GLDC: variants seen among roughly 807,000 people sequenced by gnomAD.
GLDC encodes glycine decarboxylase, also known as glycine dehydrogenase (decarboxylating), mitochondrial.
In GLDC, 104 loss-of-function variants were observed where a neutral mutation model predicts 121.3. The observed-to-expected ratio is 0.86, with a 90% CI of 0.73 to 1.01. The LOEUF (loss-of-function observed/expected upper bound fraction) is 1.01. Ranked by LOEUF, GLDC falls within the 50% of genes least tolerant of loss-of-function variation. The probability of loss-of-function intolerance (pLI) is 0.00; values close to 1 mark genes in which losing one functional copy is unlikely to be tolerated. For missense variants in GLDC, 1,429 were observed against 1,306.6 expected (o/e 1.09, Z -1.44); for synonymous variants, 546 against 480.6 (o/e 1.14, Z -1.78).
chr9:6,604,934 A>C, intron 6 of GLDC, 150 bp from the exon 7 acceptor site: 1 of 862,998 alleles, frequency 1.2e-6, no homozygotes, highest in African/African-American at 1.7e-5. Flanking sequence ...CAGTAAATAC[A>C]TACTGAGTGC....
intron 7 of GLDC, 58 bp from the exon 8 acceptor site, chr9:6,602,263 A>G (rs1190494719): frequency 4.0e-6 from 4 of 1,011,052 alleles, no homozygotes; most frequent in African/African-American, 1.6e-5. Flanking sequence ...GGGAGATGCT[A>G]TAAATAGAAT....
At chr9:6,602,882 C>T (rs1462706474) in intron 7 of GLDC, among the ~76,000 whole-genome samples, 3 of 151,960 alleles carry the variant, frequency 2.0e-5, no homozygotes, top group Non-Finnish European at 2.9e-5. Flanking sequence ...CCACCAATCA[C>T]GGACTGAAAA....
intron 2 of GLDC, chr9:6,639,732 A>G (rs1819591478): frequency 5.6e-6 from 1 of 179,088 alleles, no homozygotes; most frequent in Non-Finnish European, 1.1e-5. Flanking sequence ...ATACAAATAG[A>G]CAATTACCAG....
At chr9:6,552,555 T>C (rs1817537529) in intron 20 of GLDC, among the ~76,000 whole-genome samples, 1 of 152,212 alleles carries the variant, frequency 6.6e-6, no homozygotes. Flanking sequence ...AATGCCATGC[T>C]GTTCCAGAAA....
At position 6,533,156 on chromosome 9, in the gene GLDC, A is replaced by G. The variant is rs777045138; in HGVS notation, c.2924T>C (p.Phe975Ser). 6.2e-6 allele frequency: 10 copies of G among 1,613,612 alleles called. No individual in the cohort carries two copies. In the South Asian group the frequency reaches 1.1e-4, roughly 18 times the overall value. ...SREVAAFPLP[F>S]VKPENKFWPT... ...CCAGAATTTGTTCTCTGGTTTCACGAAGGGCTGCAAAGGACAAAAGATGGA... is the reference window on the plus strand; with the variant it reads ...CCAGAATTTGTTCTCTGGTTTCACGGAGGGCTGCAAAGGACAAAAGATGGA... The change falls in exon 25 of 25, where the codon TTC (phenylalanine) becomes TCC (serine). Residue 975 changes from phenylalanine (F) to serine (S), a missense_variant. Coordinates refer to ENST00000321612, the MANE Select transcript of GLDC (RefSeq NM_000170.3).
Position 6,609,412 on chromosome 9 carries a change from T to C in GLDC, c.635+780A>G, listed in dbSNP as rs930275899. On this transcript the variant is annotated intron_variant, in intron 4 of 24. Coordinates refer to ENST00000321612, the MANE Select transcript of GLDC (RefSeq NM_000170.3). ...TGGAGATAATAGAAGTCCTACTCTA[T>C]GGGCCTGAGAATCCACCCTTGACCA... Among the ~76,000 whole-genome samples the C allele has an allele frequency of 3.3e-5, 5 of 152,192 alleles. No individual in the cohort carries two copies. In the East Asian group the frequency reaches 9.6e-4, roughly 29 times the overall value.
intron 3 of GLDC, among the ~76,000 whole-genome samples, chr9:6,614,164 A>T (rs1818920231): frequency 6.6e-6 from 1 of 152,160 alleles, no homozygotes; most frequent in African/African-American, 2.4e-5. Flanking sequence ...GCATTCTCTT[A>T]AACACTACAG....
intron 21 of GLDC, among the ~76,000 whole-genome samples, chr9:6,550,166 G>C (rs1189455952): frequency 4.6e-5 from 7 of 152,332 alleles, no homozygotes; most frequent in East Asian, 1.9e-4. Flanking sequence ...TACCCAGTCT[G>C]AGTTACTCTA....
chr9:6,626,586 G>A (rs1587977486), intron 2 of GLDC, among the ~76,000 whole-genome samples: 1 of 152,090 alleles, frequency 6.6e-6, no homozygotes. Flanking sequence ...AATTTCAAGT[G>A]TTTCATTCAA....
chr9:6,604,445 T>A, intron 7 of GLDC, 143 bp downstream of exon 7: 1 of 808,192 alleles, frequency 1.2e-6, no homozygotes, highest in Non-Finnish European at 2.0e-6. Flanking sequence ...CAAACAGAAT[T>A]GTTCTTCTGA....
At position 6,605,270 on chromosome 9, in the gene GLDC, C is replaced by A. The variant is rs1008397934; in HGVS notation, c.722G>T (p.Gly241Val). 6.2e-7 allele frequency: 1 copy of A among 1,613,828 alleles called. No homozygotes were observed. The highest frequency in any genetic ancestry group is 8.5e-7 in the Non-Finnish European group (1 of 1,179,746). Residue 241 changes from glycine (G) to valine (V), a missense_variant, in exon 6 of 25, where the codon GGA becomes GTA. Coordinates refer to ENST00000321612, the MANE Select transcript of GLDC (RefSeq NM_000170.3). ...AVVQTRAKYT[G>V]VLTELKLPCE... ...GGGTAACTTCAGCTCAGTGAGGACT[C>A]CAGTATATCTGGAAAGACAGACAAC...
At chr9:6,620,348 A>AG in intron 2 of GLDC, 29 bp from the exon 3 acceptor site, 1 of 1,601,022 alleles carries the variant, frequency 6.2e-7, no homozygotes, top group South Asian at 1.1e-5. Flanking sequence ...GAAATGTTAC[A>AG]GACAGATGTC....
At chr9:6,610,888 C>T (rs1032694734) in intron 3 of GLDC, among the ~76,000 whole-genome samples, 2 of 152,224 alleles carry the variant, frequency 1.3e-5, no homozygotes, top group African/African-American at 4.8e-5. Context: ...GCATGAGCCA[C>T]TGCACTTGAG....
Position 6,592,209 on chromosome 9 carries a change from A to G in GLDC, c.1416T>C (p.Leu472=). The G allele has an allele frequency of 2.5e-6, 4 of 1,601,192 alleles. No individual in the cohort carries two copies. Among genetic ancestry groups the G allele is most frequent in the Non-Finnish European group, 3.4e-6 (4 of 1,168,548 alleles). The change falls in exon 11 of 25, where the codon CTT becomes CTC. Residue 472 remains leucine (L), a synonymous_variant. Transcript: ENST00000321612. ...GATCTTTTTCATTGACTGTTTCATCAAGAGAAATACCAAGCTACAGAAACA... is the reference window on the plus strand; with the variant it reads ...GATCTTTTTCATTGACTGTTTCATCGAGAGAAATACCAAGCTACAGAAACA... The part of the protein sequence containing the change: ...LFEDGTLGIS[L]DETVNEKDLD...
chr9:6,565,730 A>C (rs938883418), intron 15 of GLDC: 3 of 578,438 alleles, frequency 5.2e-6, no homozygotes, highest in African/African-American at 1.9e-5. Flanking sequence ...ATTATGAAAA[A>C]TTTCAAAACT....
rs369545826 is a variant in GLDC, at chr9:6,606,479, A to T, written c.713+113T>A. ...CTCAGCAACCCCAATTTAAACAGCA[A>T]AAAACCCTGTTTCAGATTCACCTCC... On this transcript the variant is annotated intron_variant, in intron 5 of 24. Transcript: ENST00000321612. 38 of 804,430 alleles carry T rather than the reference A, an allele frequency of 4.7e-5. No homozygotes were observed. In the African/African-American group the frequency reaches 5.4e-4, roughly 11 times the overall value. The allele number at this position is 804,430 out of a possible 1,614,324, so 49.8% of individuals were successfully genotyped here. A position where few individuals can be genotyped will look rare whatever the true frequency, so the allele number is the denominator to read the frequency against.
chr9:6,600,719 G>C (rs1818592169), intron 8 of GLDC, among the ~76,000 whole-genome samples: 2 of 151,928 alleles, frequency 1.3e-5, no homozygotes, highest in Non-Finnish European at 1.5e-5. Context: ...GATGCACTTA[G>C]AATGGATCCT....
chr9:6,609,255 T>G (rs144535907), intron 4 of GLDC, among the ~76,000 whole-genome samples: 4,869 of 152,198 alleles, frequency 0.032, 110 homozygotes, highest in Non-Finnish European at 0.046. Context: ...CAGGAAATAA[T>G]CAGAAGTTTT....
At chr9:6,557,907 C>G (rs912190393) in intron 17 of GLDC, 11 of 158,744 alleles carry the variant, frequency 6.9e-5, no homozygotes, top group African/African-American at 2.7e-4. Flanking sequence ...AGAGGTGGAT[C>G]GAAGAGAGGT....
Sources: gnomAD v4.1 joint callset for allele counts (sites outside exome capture counted in the v4.1 genomes callset) on GRCh38, gnomAD v4.1.1 for gene constraint, MANE v1.5 for transcripts, NCBI Gene and HGNC (gene_info 2026-07-23, HGNC 2026-07-21) for gene names.